Variants in SAMD5 observed in about 807,000 individuals in gnomAD.
SAMD5 encodes sterile alpha motif domain-containing protein 5.
A neutral mutation model predicts 11.3 loss-of-function variants in SAMD5; 13 were observed. That is an observed-to-expected ratio of 1.15 (90% CI 0.75 to 1.83). SAMD5 has a LOEUF of 1.83. Among genes scored for constraint, SAMD5 ranks in the 40% most tolerant of loss-of-function variants. The probability of loss-of-function intolerance (pLI) is 0.00; values close to 1 mark genes in which losing one functional copy is unlikely to be tolerated. For synonymous variants in SAMD5, 129 were observed against 111.3 expected, an observed-to-expected ratio of 1.16 and a Z score of -1.00; for missense variants, 255 against 239.1, an observed-to-expected ratio of 1.07 and a Z score of -0.44.
intron 1 of SAMD5, among the ~76,000 whole-genome samples, chr6:147,607,691 C>T (rs990661265): frequency 6.6e-5 from 10 of 152,170 alleles, no homozygotes; most frequent in Admixed American, 6.5e-4. Context: ...GAAACCACTA[C>T]AAGAAAACAT....
the SAMD5 span, among the ~76,000 whole-genome samples, chr6:147,749,846 A>G: frequency 3.9e-4 from 60 of 152,344 alleles, no homozygotes; most frequent in East Asian, 8.5e-3. Flanking sequence ...GTATATGCGC[A>G]TGCGAGTGTG....
intron 1 of SAMD5, among the ~76,000 whole-genome samples, chr6:147,626,929 A>G (rs1261642272): frequency 6.6e-6 from 1 of 151,170 alleles, no homozygotes; most frequent in Non-Finnish European, 1.5e-5. Context: ...CTTTGTTGTT[A>G]TTCTATTCCT....
chr6:147,515,597 C>A (rs1788158316), intron 1 of SAMD5, among the ~76,000 whole-genome samples: 1 of 152,060 alleles, frequency 6.6e-6, no homozygotes, highest in Non-Finnish European at 1.5e-5. Flanking sequence ...TCCATCCATC[C>A]ATTCATCCAT....
At chr6:147,572,471 G>A (rs1035069285), downstream of SAMD5, among the ~76,000 whole-genome samples, 2 of 152,044 alleles carry the variant, frequency 1.3e-5, no homozygotes, top group Non-Finnish European at 2.9e-5. Flanking sequence ...GAAAGCACAC[G>A]AAAAATACTG....
At chr6:147,728,014 G>C (rs970471878) in intron 1 of SAMD5, among the ~76,000 whole-genome samples, 1 of 152,178 alleles carries the variant, frequency 6.6e-6, no homozygotes, top group African/African-American at 2.4e-5. Flanking sequence ...GCCTCTTTAT[G>C]AAAGTATTCC....
At chr6:147,559,695 G>A (rs1353471444) in intron 1 of SAMD5, among the ~76,000 whole-genome samples, 1 of 152,026 alleles carries the variant, frequency 6.6e-6, no homozygotes, top group African/African-American at 2.4e-5. Flanking sequence ...TGCCTCTAAA[G>A]TAAAAAAAAG....
Position 147,699,868 on chromosome 6 carries a change from G to A in SAMD5, c.163-37449G>A, listed in dbSNP as rs1425463875. On this transcript the variant is annotated intron_variant, in intron 1 of 1. Transcript: ENST00000566741. Reference sequence around the variant, plus strand: ...AAGCGAGTCATGCAAGGACCTGAACGAATGTTTGTGTTATCTGTGTTTGAC... The same window carrying A: ...AAGCGAGTCATGCAAGGACCTGAACAAATGTTTGTGTTATCTGTGTTTGAC... Among the ~76,000 whole-genome samples, 5 of 152,280 alleles carry A rather than the reference G, an allele frequency of 3.3e-5. No individual in the cohort carries two copies. The East Asian group carries it at 9.6e-4, about 29-fold the overall frequency.
intron 1 of SAMD5, among the ~76,000 whole-genome samples, chr6:147,681,927 C>T (rs1028156785): frequency 6.6e-6 from 1 of 152,178 alleles, no homozygotes; most frequent in Non-Finnish European, 1.5e-5. Flanking sequence ...TTTCCAGCTG[C>T]CCCTTTTGTG....
rs1405611743 is a variant in SAMD5 at position 147,671,020 on chromosome 6, A to G, written c.163-66297A>G. On this transcript the variant is annotated intron_variant, in intron 1 of 1. Transcript: ENST00000566741. ...TGAGAGAAATGCAACTCTTCCTTTC[A>G]CTTGAACACTTCGAGATCATTGTAA... Among the ~76,000 whole-genome samples the G allele has an allele frequency of 2.0e-5, 3 of 152,310 alleles. No homozygotes were observed. The East Asian group carries it at 5.8e-4, about 29-fold the overall frequency.
chr6:147,737,288 A>G, intron 1 of SAMD5: 1 of 1,195,012 alleles, frequency 8.4e-7, no homozygotes, highest in Non-Finnish European at 1.1e-6. Context: ...ACACTTAATT[A>G]AACTTCATTT....
At chr6:147,896,293 C>T in the SAMD5 span, among the ~76,000 whole-genome samples, 4 of 151,980 alleles carry the variant, frequency 2.6e-5, no homozygotes, top group African/African-American at 4.8e-5. Context: ...CCTCATGGAG[C>T]TCAGCATCAC....
the SAMD5 span, among the ~76,000 whole-genome samples, chr6:147,805,291 C>T: frequency 6.6e-6 from 1 of 152,232 alleles, no homozygotes; most frequent in Admixed American, 6.5e-5. Context: ...TGCCCAAGTG[C>T]AGCATAAGTC....
At chr6:147,693,913 G>A (rs1791139609) in intron 1 of SAMD5, among the ~76,000 whole-genome samples, 1 of 152,164 alleles carries the variant, frequency 6.6e-6, no homozygotes, top group South Asian at 2.1e-4. Context: ...AGGTTGCAGT[G>A]AGCCAAGATC....
rs1011636461 is a variant in SAMD5 at position 147,646,772 on chromosome 6, A to T, written c.163-90545A>T. On this transcript the variant is annotated intron_variant, in intron 1 of 1. Coordinates refer to the SAMD5 transcript ENST00000566741. The stretch of plus-strand genomic sequence containing the variant: ...GGGTTACCATAGAAAATAGTTGATC[A>T]TATATATTTTGTGTTATATGTATTA... 4.1e-4 allele frequency among the ~76,000 whole-genome samples: 62 copies of T among 152,170 alleles called. 1 individual carries two copies. Among genetic ancestry groups the T allele is most frequent in the African/African-American group, 1.4e-3 (60 of 41,524 alleles).
chr6:147,874,246 C>CTT, the SAMD5 span, among the ~76,000 whole-genome samples: 3 of 152,154 alleles, frequency 2.0e-5, no homozygotes, highest in Non-Finnish European at 4.4e-5. Context: ...CTCTTAAGGT[C>CTT]TTTACCCATT....
chr6:147,718,225 G>A (rs1791494866), intron 1 of SAMD5, among the ~76,000 whole-genome samples: 1 of 152,196 alleles, frequency 6.6e-6, no homozygotes, highest in South Asian at 2.1e-4. Flanking sequence ...GAAGAGTGGT[G>A]TATTTATTGT....
At chr6:147,646,026 GTATCTATCTATCTATCTATCTATC>G (rs200304460) in intron 1 of SAMD5, among the ~76,000 whole-genome samples, 3 of 52,378 alleles carry the variant, frequency 5.7e-5, no homozygotes, top group African/African-American at 2.9e-4. Context: ...ATCTATCTAT[GTATCTATCTATCTATCTATCTATC>G]TATCTATCTA....
chr6:147,807,845 A>G, the SAMD5 span, among the ~76,000 whole-genome samples: 1 of 152,242 alleles, frequency 6.6e-6, no homozygotes. Context: ...ATTAGACTGT[A>G]GAACTTAGTC....
At chr6:147,597,304 G>A (rs1468052216) in intron 1 of SAMD5, among the ~76,000 whole-genome samples, 1 of 152,062 alleles carries the variant, frequency 6.6e-6, no homozygotes, top group Non-Finnish European at 1.5e-5. Flanking sequence ...TTGAGATACT[G>A]TCCCTTGAGC....
Sources: gnomAD v4.1 joint callset for allele counts (sites outside exome capture counted in the v4.1 genomes callset) on GRCh38, gnomAD v4.1.1 for gene constraint, MANE v1.5 for transcripts, NCBI Gene and HGNC (gene_info 2026-07-23, HGNC 2026-07-21) for gene names.